Variants in ERLEC1 observed in about 807,000 individuals in gnomAD.
ERLEC1 encodes the protein endoplasmic reticulum lectin 1.
A neutral mutation model predicts 68.0 loss-of-function variants in ERLEC1; 47 were observed. That is an observed-to-expected ratio of 0.69 (90% CI 0.55 to 0.88). The LOEUF is 0.88. Ranked by LOEUF, ERLEC1 falls within the 40% of genes least tolerant of loss-of-function variation. The probability of loss-of-function intolerance (pLI) is 0.00; values close to 1 mark genes in which losing one functional copy is unlikely to be tolerated. For missense variants in ERLEC1, 567 were observed against 583.8 expected, an observed-to-expected ratio of 0.97 and a Z score of 0.30; for synonymous variants, 225 against 203.2, an observed-to-expected ratio of 1.11 and a Z score of -0.91.
At chr2:53,795,824 T>C in intron 2 of ERLEC1, 109 bp from the exon 3 acceptor site, 2 of 698,068 alleles carry the variant, frequency 2.9e-6, no homozygotes, top group Admixed American at 6.6e-5. Flanking sequence ...CTTTTTTTTC[T>C]CTTTTATTTC....
chr2:53,791,761 T>C (rs1675403608), intron 1 of ERLEC1, among the ~76,000 whole-genome samples: 1 of 152,176 alleles, frequency 6.6e-6, no homozygotes, highest in Non-Finnish European at 1.5e-5. Context: ...GAGACCATTT[T>C]GAAAGGAATT....
At position 53,817,949 on chromosome 2, in the gene ERLEC1, C is replaced by CT; in HGVS notation, c.1434dup (p.Leu479SerfsTer46). On this transcript the variant is annotated frameshift_variant, in exon 14 of 14. Transcript: ENST00000185150. LOFTEE classifies it high-confidence loss of function. Reference sequence around the variant, plus strand: ...CTTAGATACAGCAGATGAAAATGGACTTCTTTCTCTCCCCAACTAAAGGAT... The same window carrying CT: ...CTTAGATACAGCAGATGAAAATGGACTTTCTTTCTCTCCCCAACTAAAGGAT... 1 of 1,588,334 alleles carries CT rather than the reference C, an allele frequency of 6.3e-7. No individual in the cohort carries two copies. The highest frequency in any genetic ancestry group is 8.6e-7 in the Non-Finnish European group (1 of 1,156,928).
intron 8 of ERLEC1, among the ~76,000 whole-genome samples, chr2:53,807,417 T>C (rs1485885400): frequency 6.7e-6 from 1 of 148,330 alleles, no homozygotes; most frequent in Non-Finnish European, 1.5e-5. Flanking sequence ...CTGCCTTTTT[T>C]TTCTTTGAGA....
Position 53,797,515 on chromosome 2 carries a change from A to AT in ERLEC1, c.351dup (p.Glu118Ter). Reference sequence around the variant, plus strand: ...ATTGAAATATATCCATCTTTTTTAGATTGAGTCTTATTGGACTTACGAAGT... The same window carrying AT: ...ATTGAAATATATCCATCTTTTTTAGATTTGAGTCTTATTGGACTTACGAAGT... On this transcript the variant is annotated frameshift_variant and splice_region_variant, in exon 4 of 14. Coordinates refer to ENST00000185150, the MANE Select transcript of ERLEC1 (RefSeq NM_015701.5). LOFTEE classifies it high-confidence loss of function. 6.2e-7 allele frequency: 1 copy of AT among 1,606,548 alleles called. No homozygotes were observed. The highest frequency in any genetic ancestry group is 8.5e-7 in the Non-Finnish European group (1 of 1,177,030).
chr2:53,787,507 T>A (rs1475627362), intron 1 of ERLEC1, 135 bp downstream of exon 1: 27 of 1,042,428 alleles, frequency 2.6e-5, no homozygotes, highest in Non-Finnish European at 3.5e-5. Context: ...CAAAGCTGCT[T>A]TTATGCAGCG....
rs1558586138 is a variant in ERLEC1 at position 53,787,189 on chromosome 2, CT to C, written c.-21del. ...GGAGCAGAGGAGGTTGTGGCGGTGG[CT>C]GGAGAAAGCGGCGGCGGAGGATGGA... On this transcript the variant is annotated 5_prime_UTR_variant, in exon 1 of 14. Transcript: ENST00000185150. 7.2e-7 allele frequency: 1 copy of C among 1,385,264 alleles called. No individual in the cohort carries two copies. The highest frequency in any genetic ancestry group is 9.6e-7 in the Non-Finnish European group (1 of 1,041,372). The allele number at this position is 1,385,264 out of a possible 1,614,324, so 85.8% of individuals were successfully genotyped here. A position where few individuals can be genotyped will look rare whatever the true frequency, so the allele number is the denominator to read the frequency against.
chr2:53,793,676 G>A (rs538798605), intron 1 of ERLEC1, among the ~76,000 whole-genome samples: 11 of 151,576 alleles, frequency 7.3e-5, no homozygotes, highest in African/African-American at 2.7e-4. Context: ...TGAACTCCTG[G>A]GCTAAAGTAG....
chr2:53,787,114 A>C lies in ERLEC1; in HGVS notation c.-97A>C, dbSNP rs77276223. The C allele has an allele frequency of 1.2e-5, 16 of 1,358,462 alleles. No individual in the cohort carries two copies. In the South Asian group the frequency reaches 2.5e-4, roughly 21 times the overall value. The allele number at this position is 1,358,462 out of a possible 1,614,324, so 84.2% of individuals were successfully genotyped here. A position where few individuals can be genotyped will look rare whatever the true frequency, so the allele number is the denominator to read the frequency against. ...TGGGCCGGTGATACCCGGGCGCTTT[A>C]TAGTCCCGCCGCCTCCTCCTCCACC... is the stretch of plus-strand genomic sequence containing the variant. On this transcript the variant is annotated 5_prime_UTR_variant, in exon 1 of 14. Transcript: ENST00000185150.
At chr2:53,809,417 T>C (rs1333990556) in intron 10 of ERLEC1, 144 bp downstream of exon 10, 2 of 628,606 alleles carry the variant, frequency 3.2e-6, no homozygotes, top group Admixed American at 7.9e-5. Context: ...TCTCCAAATT[T>C]TGGAAAATGG....
At chr2:53,796,456 CTT>C (rs1193452952) in intron 3 of ERLEC1, among the ~76,000 whole-genome samples, 4 of 149,674 alleles carry the variant, frequency 2.7e-5, no homozygotes, top group Non-Finnish European at 5.9e-5. Flanking sequence ...CTTTTTTTTT[CTT>C]TCTTTGCTTT....
chr2:53,797,184 T>C (rs1237929116), intron 3 of ERLEC1, among the ~76,000 whole-genome samples: 3 of 152,200 alleles, frequency 2.0e-5, no homozygotes, highest in African/African-American at 7.2e-5. Flanking sequence ...CGTAAGCCAG[T>C]ACACCCGGCC....
intron 13 of ERLEC1, among the ~76,000 whole-genome samples, chr2:53,816,370 G>A (rs888312570): frequency 1.5e-4 from 23 of 150,330 alleles, no homozygotes; most frequent in African/African-American, 3.7e-4. Context: ...GGGTTCAAGC[G>A]ATTGTCCTGC....
At position 53,797,531 on chromosome 2, in the gene ERLEC1, C is replaced by G; in HGVS notation, c.365C>G (p.Thr122Ser). ...CTTTTTTAGATTGAGTCTTATTGGA[C>G]TTACGAAGTATGTCATGGAAAACAC... ...SCSYRIESYW[T>S]YEVCHGKHIR... Residue 122 changes from threonine (T) to serine (S), a missense_variant, in exon 4 of 14, where the codon ACT becomes AGT. Transcript: ENST00000185150. 1 of 1,612,090 alleles carries G rather than the reference C, an allele frequency of 6.2e-7. No homozygotes were observed. The highest frequency in any genetic ancestry group is 1.3e-5 in the African/African-American group (1 of 74,942).
chr2:53,812,378 T>C (rs1198915878), intron 10 of ERLEC1, among the ~76,000 whole-genome samples: 3 of 152,100 alleles, frequency 2.0e-5, no homozygotes, highest in African/African-American at 7.2e-5. Context: ...AGTTAGTGTT[T>C]AAAAAATAAT....
chr2:53,808,498 A>C, intron 9 of ERLEC1, 38 bp downstream of exon 9: 1 of 1,601,274 alleles, frequency 6.2e-7, no homozygotes, highest in Non-Finnish European at 8.5e-7. Context: ...TTTATTTTAC[A>C]ACTTTACCTG....
chr2:53,810,142 T>G lies in ERLEC1; in HGVS notation c.1101+869T>G, dbSNP rs1676512729. ...ACATTATCACTAGGGTTACAAAAATTGGGTAAATACAGCAAGTTTCTCAGC... is the reference window on the plus strand; with the variant it reads ...ACATTATCACTAGGGTTACAAAAATGGGGTAAATACAGCAAGTTTCTCAGC... On this transcript the variant is annotated intron_variant, in intron 10 of 13. Transcript: ENST00000185150. Among the ~76,000 whole-genome samples, 3 of 151,938 alleles carry G rather than the reference T, an allele frequency of 2.0e-5. No homozygotes were observed. In the South Asian group the frequency reaches 6.2e-4, roughly 32 times the overall value.
chr2:53,799,598 G>A (rs531682949), intron 6 of ERLEC1, among the ~76,000 whole-genome samples: 14 of 152,070 alleles, frequency 9.2e-5, no homozygotes, highest in Non-Finnish European at 1.9e-4. Context: ...ACATAGGGAC[G>A]TTTAAAAAGA....
In ERLEC1 at chr2:53,818,200, G is replaced by GTT. The variant is rs1425602294; in HGVS notation, c.*235_*236dup. 3.0e-6 allele frequency: 1 copy of GTT among 333,270 alleles called. No individual in the cohort carries two copies. The highest frequency in any genetic ancestry group is 4.4e-5 in the Admixed American group (1 of 22,942). 20.6% of individuals were successfully genotyped at this position (333,270 alleles called of 1,614,324 possible). A position where few individuals can be genotyped will look rare whatever the true frequency, so the allele number is the denominator to read the frequency against. On this transcript the variant is annotated 3_prime_UTR_variant, in exon 14 of 14. Coordinates refer to ENST00000185150, the MANE Select transcript of ERLEC1 (RefSeq NM_015701.5). ...TTTTGTTGTGTCTTATAAACTGACTGTTTTTCTTTGCTTGGATACTGTGAT... is the reference window on the plus strand; with the variant it reads ...TTTTGTTGTGTCTTATAAACTGACTGTTTTTTTCTTTGCTTGGATACTGTGAT...
At chr2:53,787,611 C>A in intron 1 of ERLEC1, 1 of 411,714 alleles carries the variant, frequency 2.4e-6, no homozygotes, top group Non-Finnish European at 4.3e-6. Flanking sequence ...CTTTTCAATT[C>A]TGTCGCACTA....
Sources: gnomAD v4.1 joint callset for allele counts (sites outside exome capture counted in the v4.1 genomes callset) on GRCh38, gnomAD v4.1.1 for gene constraint, MANE v1.5 for transcripts, NCBI Gene and HGNC (gene_info 2026-07-23, HGNC 2026-07-21) for gene names.